Variants in GRIA1 observed in about 807,000 individuals in gnomAD.
The protein encoded by GRIA1 is glutamate ionotropic receptor AMPA type subunit 1.
In GRIA1, 31 loss-of-function variants were observed where a neutral mutation model predicts 99.2. That is an observed-to-expected ratio of 0.31 (90% CI 0.23 to 0.42). The LOEUF (loss-of-function observed/expected upper bound fraction) is 0.42, where lower values mean the gene tolerates loss of function less well. GRIA1 is among the 10% of genes least tolerant of loss of function. GRIA1 has a pLI of 1.00. For missense variants in GRIA1, 782 were observed against 1,157.5 expected (o/e 0.68, Z 4.71); for synonymous variants, 438 against 432.4 (o/e 1.01, Z -0.16).
At chr5:153,649,436 TTTATTTAG>T (rs752751751) in intron 3 of GRIA1, among the ~76,000 whole-genome samples, 201 of 97,204 alleles carry the variant, frequency 2.1e-3, no homozygotes, top group Middle Eastern at 6.4e-3. Flanking sequence ...ATTTTATTTA[TTTATTTAG>T]TTAGTTAGTT....
Position 153,655,258 on chromosome 5 carries a change from G to A in GRIA1, c.646-561G>A, listed in dbSNP as rs1307048586. Among the ~76,000 whole-genome samples, 3 of 152,154 alleles carry A rather than the reference G, an allele frequency of 2.0e-5. 1 individual carries two copies. In the South Asian group the frequency reaches 6.2e-4, roughly 32 times the overall value. On this transcript the variant is annotated intron_variant, in intron 4 of 15. Transcript: ENST00000285900. ...CTGAGTACCTAACTGATTCGGGGAG[G>A]AAGGCACAAAATTCAGAAAAAGAAA...
At chr5:153,784,262 C>G (rs1314558551) in intron 13 of GRIA1, among the ~76,000 whole-genome samples, 3 of 152,062 alleles carry the variant, frequency 2.0e-5, no homozygotes, top group African/African-American at 7.2e-5. Context: ...AAAACTGGGA[C>G]AGCTGGTTAC....
intron 5 of GRIA1, among the ~76,000 whole-genome samples, chr5:153,665,163 A>G (rs781575524): frequency 6.6e-6 from 1 of 152,224 alleles, no homozygotes; most frequent in African/African-American, 2.4e-5. Flanking sequence ...CTTGCACTCA[A>G]TAGCCCAACC....
At chr5:153,619,405 G>T (rs1040422702) in intron 2 of GRIA1, among the ~76,000 whole-genome samples, 2 of 152,284 alleles carry the variant, frequency 1.3e-5, no homozygotes, top group Non-Finnish European at 2.9e-5. Context: ...GAAAGACTAG[G>T]TTAGGGCATT....
intron 15 of GRIA1, among the ~76,000 whole-genome samples, chr5:153,810,677 G>T (rs190511027): frequency 6.6e-6 from 1 of 152,282 alleles, no homozygotes; most frequent in Admixed American, 6.5e-5. Flanking sequence ...TTCCCGGAAG[G>T]TTTTCCACTT....
intron 2 of GRIA1, among the ~76,000 whole-genome samples, chr5:153,563,260 CT>C (rs1408825372): frequency 1.3e-5 from 2 of 151,984 alleles, no homozygotes; most frequent in Non-Finnish European, 2.9e-5. Context: ...AAGTCAGTCA[CT>C]GAGACAGTAT....
chr5:153,548,241 C>A (rs541700987), intron 2 of GRIA1, among the ~76,000 whole-genome samples: 1 of 152,228 alleles, frequency 6.6e-6, no homozygotes, highest in East Asian at 1.9e-4. Flanking sequence ...GGAAAGAGAG[C>A]CACCTTGCCA....
chr5:153,746,985 C>T (rs1372530046), intron 11 of GRIA1, among the ~76,000 whole-genome samples: 1 of 152,150 alleles, frequency 6.6e-6, no homozygotes, highest in Non-Finnish European at 1.5e-5. Flanking sequence ...ACATTTCAAC[C>T]CCCTCACTTG....
At chr5:153,775,581 C>T (rs6872498) in intron 13 of GRIA1, among the ~76,000 whole-genome samples, 15 of 152,100 alleles carry the variant, frequency 9.9e-5, no homozygotes, top group Admixed American at 8.5e-4. Context: ...TTAGCTTCAC[C>T]GATTGGTTTC....
intron 2 of GRIA1, among the ~76,000 whole-genome samples, chr5:153,634,830 G>T (rs2149439905): frequency 6.6e-6 from 1 of 152,344 alleles, no homozygotes; most frequent in Non-Finnish European, 1.5e-5. Flanking sequence ...CACAGCTCCA[G>T]AAATCAGTTG....
intron 2 of GRIA1, among the ~76,000 whole-genome samples, chr5:153,592,508 G>A (rs1002128996): frequency 6.6e-6 from 1 of 152,200 alleles, no homozygotes; most frequent in African/African-American, 2.4e-5. Flanking sequence ...GGTAGGACAA[G>A]GACATTTTTA....
chr5:153,743,328 G>A (rs548185824), intron 11 of GRIA1, among the ~76,000 whole-genome samples: 1 of 152,232 alleles, frequency 6.6e-6, no homozygotes, highest in African/African-American at 2.4e-5. Flanking sequence ...TTACCTCATG[G>A]TTCTATAGGT....
chr5:153,768,070 C>A (rs1269367328), intron 12 of GRIA1, among the ~76,000 whole-genome samples: 1 of 152,172 alleles, frequency 6.6e-6, no homozygotes, highest in Non-Finnish European at 1.5e-5. Flanking sequence ...CTTGCAATTG[C>A]CCTGCTGTGT....
At chr5:153,739,872 T>C (rs570576541) in intron 11 of GRIA1, among the ~76,000 whole-genome samples, 42 of 152,320 alleles carry the variant, frequency 2.8e-4, no homozygotes, top group African/African-American at 9.6e-4. Flanking sequence ...TAATTAGAAC[T>C]GTCAGTATAA....
chr5:153,780,750 A>AT (rs1764577001), intron 13 of GRIA1, among the ~76,000 whole-genome samples: 1 of 151,970 alleles, frequency 6.6e-6, no homozygotes, highest in Non-Finnish European at 1.5e-5. Flanking sequence ...ATATGAATCC[A>AT]TTTTTTTCCC....
chr5:153,798,814 C>T (rs777369597), intron 14 of GRIA1, among the ~76,000 whole-genome samples: 3 of 152,144 alleles, frequency 2.0e-5, no homozygotes, highest in Non-Finnish European at 4.4e-5. Context: ...GAACCTGAGA[C>T]AGTCCCCCAG....
intron 15 of GRIA1, among the ~76,000 whole-genome samples, chr5:153,810,137 T>G (rs1188244741): frequency 6.6e-6 from 1 of 152,198 alleles, no homozygotes; most frequent in African/African-American, 2.4e-5. Flanking sequence ...AATATCCCAC[T>G]TAACTCATCT....
intron 14 of GRIA1, among the ~76,000 whole-genome samples, chr5:153,801,954 G>GA (rs1394831985): frequency 2.0e-5 from 2 of 97,786 alleles, no homozygotes; most frequent in African/African-American, 3.4e-5. Context: ...AATTGGGGCG[G>GA]GGGGGGGCGG....
At chr5:153,802,779 G>A (rs372995103) in intron 15 of GRIA1, among the ~76,000 whole-genome samples, 21 of 152,302 alleles carry the variant, frequency 1.4e-4, no homozygotes, top group East Asian at 5.8e-4. Flanking sequence ...GTAGCGCAGC[G>A]AGAGGCAAGA....
Sources: gnomAD v4.1 joint callset for allele counts (sites outside exome capture counted in the v4.1 genomes callset) on GRCh38, gnomAD v4.1.1 for gene constraint, MANE v1.5 for transcripts, NCBI Gene and HGNC (gene_info 2026-07-23, HGNC 2026-07-21) for gene names.